The following SERPINB12 variants were observed in gnomAD, a reference collection of about 807,000 sequenced individuals.
The protein encoded by SERPINB12 is serpin family B member 12, also known as serpin B12.
Under a neutral mutation model 41.1 loss-of-function variants are expected in SERPINB12, and 57 were observed. The observed-to-expected ratio is 1.39, with a 90% CI of 1.12 to 1.73. SERPINB12 has a LOEUF of 1.73. Ranked by LOEUF, SERPINB12 falls within the 40% of genes most tolerant of loss-of-function variation. SERPINB12 has a pLI of 0.00. For synonymous variants in SERPINB12, 180 were observed against 181.3 expected, an observed-to-expected ratio of 0.99 and a Z score of 0.06; for missense variants, 536 against 501.9, an observed-to-expected ratio of 1.07 and a Z score of -0.65.
rs1442954643 is a variant in SERPINB12 at position 63,567,114 on chromosome 18, C to G, written c.*103C>G. ...GAGTTTTTGGTAATATCTAAAGCAT[C>G]TCCTTCATCCTCCAGCCATCGGCTT... On this transcript the variant is annotated 3_prime_UTR_variant, in exon 8 of 8. Coordinates refer to ENST00000382768, the MANE Select transcript of SERPINB12 (RefSeq NM_001307928.2). 1 of 1,068,210 alleles carries G rather than the reference C, an allele frequency of 9.4e-7. No homozygotes were observed. Among genetic ancestry groups the G allele is most frequent in the East Asian group, 2.4e-5 (1 of 41,124 alleles). The allele number at this position is 1,068,210 out of a possible 1,614,324, so 66.2% of individuals were successfully genotyped here.
At position 63,556,148 on chromosome 18, in the gene SERPINB12, A is replaced by G. The variant is rs371099523; in HGVS notation, c.-12A>G. ...CCTTTTTTTTTGGTTTTAGATCGTT[A>G]TAAGTTTTACAATGGACTCTCTTGT... On this transcript the variant is annotated 5_prime_UTR_variant, in exon 2 of 8. Transcript: ENST00000382768. The G allele has an allele frequency of 1.2e-6, 2 of 1,610,042 alleles. No individual in the cohort carries two copies. The highest frequency in any genetic ancestry group is 1.1e-5 in the South Asian group (1 of 90,724).
At chr18:63,528,392 CAATA>C in the SERPINB12 span, among the ~76,000 whole-genome samples, 1,970 of 144,974 alleles carry the variant, frequency 0.014, 22 homozygotes, top group Non-Finnish European at 0.017. Context: ...TCTCTGAGAG[CAATA>C]AATAAATAAA....
At chr18:63,541,835 G>GA (rs749463888), upstream of SERPINB12, among the ~76,000 whole-genome samples, 1 of 152,086 alleles carries the variant, frequency 6.6e-6, no homozygotes, top group Non-Finnish European at 1.5e-5. Flanking sequence ...GATGCCAGAA[G>GA]AAAAAATAAC....
rs546913757 is a variant in SERPINB12 at position 63,568,364 on chromosome 18, G to A, written c.*1353G>A. Among the ~76,000 whole-genome samples, 16 of 152,270 alleles carry A rather than the reference G, an allele frequency of 1.1e-4. No individual in the cohort carries two copies. Among genetic ancestry groups the A allele is most frequent in the African/African-American group, 3.4e-4 (14 of 41,556 alleles). On this transcript the variant is annotated 3_prime_UTR_variant, in exon 8 of 8. Transcript: ENST00000382768. ...CCACTGCACTCCAGCCTGGGTGACA[G>A]AGCGAAACCCTGTCTCAAAAAACAA...
chr18:63,551,297 C>CA (rs367982542), intron 1 of SERPINB12, among the ~76,000 whole-genome samples: 18 of 151,380 alleles, frequency 1.2e-4, no homozygotes, highest in Non-Finnish European at 2.4e-4. Context: ...ACAAAAAAAA[C>CA]AAAAAAAAGA....
rs1327104418 is a variant in SERPINB12, at chr18:63,556,329, T to C, written c.168+2T>C. On this transcript the variant is annotated splice_donor_variant, in intron 2 of 7. Coordinates refer to ENST00000382768, the MANE Select transcript of SERPINB12 (RefSeq NM_001307928.2). LOFTEE classifies it high-confidence loss of function. ...GACAGTGCACATCAGATTGATGAGG[T>C]ACGTGTCCACTAGGGTGCTACACAG... The C allele has an allele frequency of 1.9e-6, 3 of 1,613,498 alleles. No homozygotes were observed. In the South Asian group the frequency reaches 3.3e-5, roughly 18 times the overall value.
the SERPINB12 span, among the ~76,000 whole-genome samples, chr18:63,523,558 A>G: frequency 6.6e-6 from 1 of 152,222 alleles, no homozygotes; most frequent in Non-Finnish European, 1.5e-5. Flanking sequence ...AATAAACAAG[A>G]AAGCCAGTAC....
intron 4 of SERPINB12, among the ~76,000 whole-genome samples, chr18:63,560,268 T>A (rs187504577): frequency 1.3e-5 from 2 of 152,318 alleles, no homozygotes; most frequent in Non-Finnish European, 2.9e-5. Context: ...AAGCTGTGTC[T>A]CCATCTGGGC....
chr18:63,545,318 ACTAGAGAGGCTCGCTTT>A (rs1910362929), intron 1 of SERPINB12, among the ~76,000 whole-genome samples: 1 of 151,946 alleles, frequency 6.6e-6, no homozygotes, highest in South Asian at 2.1e-4. Flanking sequence ...AGTCACGGGT[ACTAGAGAGGCTCGCTTT>A]CTTCAGCCAT....
intron 1 of SERPINB12, among the ~76,000 whole-genome samples, chr18:63,542,990 G>A (rs1221468142): frequency 2.0e-5 from 3 of 152,132 alleles, no homozygotes; most frequent in African/African-American, 4.8e-5. Context: ...TTTAATGGCT[G>A]CACAGTATTC....
At chr18:63,543,692 G>C (rs1214821818) in intron 1 of SERPINB12, among the ~76,000 whole-genome samples, 1 of 151,978 alleles carries the variant, frequency 6.6e-6, no homozygotes, top group Non-Finnish European at 1.5e-5. Context: ...TGTCTCCCCA[G>C]TTCAAGTGAT....
rs2144331617 is a variant in SERPINB12 at position 63,556,136 on chromosome 18, T to G, written c.-18-6T>G. 6.3e-7 allele frequency: 1 copy of G among 1,598,522 alleles called. No homozygotes were observed. The highest frequency in any genetic ancestry group is 1.1e-5 in the South Asian group (1 of 89,206). Reference sequence around the variant, plus strand: ...TTTTCTCTTTCTCCTTTTTTTTTGGTTTTAGATCGTTATAAGTTTTACAAT... The same window carrying G: ...TTTTCTCTTTCTCCTTTTTTTTTGGGTTTAGATCGTTATAAGTTTTACAAT... On this transcript the variant is annotated splice_region_variant and splice_polypyrimidine_tract_variant and intron_variant, in intron 1 of 7. Coordinates refer to ENST00000382768, the MANE Select transcript of SERPINB12 (RefSeq NM_001307928.2).
intron 1 of SERPINB12, among the ~76,000 whole-genome samples, chr18:63,550,995 C>T (rs752539499): frequency 7.9e-5 from 12 of 152,152 alleles, no homozygotes; most frequent in East Asian, 1.9e-4. Context: ...TTCGGCCGGG[C>T]GCGGTGGTTC....
In SERPINB12 at chr18:63,547,564, C is replaced by CATGAAAT. The variant is rs1427438609; in HGVS notation, c.-19+5075_-19+5081dup. On this transcript the variant is annotated intron_variant, in intron 1 of 7. Coordinates refer to ENST00000382768, the MANE Select transcript of SERPINB12 (RefSeq NM_001307928.2). ...TGTGGGAATTATAGAAATTATAAGA[C>CATGAAAT]ATGAAATATTTTTGGAGTATAAATA... Among the ~76,000 whole-genome samples the CATGAAAT allele has an allele frequency of 2.6e-5, 4 of 151,952 alleles. 1 individual carries two copies. Among genetic ancestry groups the CATGAAAT allele is most frequent in the African/African-American group, 9.7e-5 (4 of 41,404 alleles).
At chr18:63,544,459 C>G (rs751974699) in intron 1 of SERPINB12, among the ~76,000 whole-genome samples, 1 of 151,970 alleles carries the variant, frequency 6.6e-6, no homozygotes, top group Non-Finnish European at 1.5e-5. Flanking sequence ...TTTTTAAGGG[C>G]GAGAAAATTG....
chr18:63,520,460 G>C, the SERPINB12 span, among the ~76,000 whole-genome samples: 1 of 152,234 alleles, frequency 6.6e-6, no homozygotes, highest in African/African-American at 2.4e-5. Flanking sequence ...ATGAGTCACA[G>C]ATGCATGGTG....
At chr18:63,521,164 G>C in the SERPINB12 span, among the ~76,000 whole-genome samples, 1 of 152,118 alleles carries the variant, frequency 6.6e-6, no homozygotes, top group Non-Finnish European at 1.5e-5. Flanking sequence ...AGAGTCTTTT[G>C]TGATACTTCT....
At chr18:63,560,191 G>A (rs1208313759) in intron 4 of SERPINB12, among the ~76,000 whole-genome samples, 1 of 152,130 alleles carries the variant, frequency 6.6e-6, no homozygotes, top group Non-Finnish European at 1.5e-5. Flanking sequence ...AGGAGACTGC[G>A]TTTTGGCATT....
At chr18:63,539,970 G>A (rs1396773461), upstream of SERPINB12, among the ~76,000 whole-genome samples, 1 of 152,162 alleles carries the variant, frequency 6.6e-6, no homozygotes, top group Non-Finnish European at 1.5e-5. Flanking sequence ...TTGGGTGCTA[G>A]AGTCACAGGG....
Sources: gnomAD v4.1 joint callset for allele counts (sites outside exome capture counted in the v4.1 genomes callset) on GRCh38, gnomAD v4.1.1 for gene constraint, MANE v1.5 for transcripts, NCBI Gene and HGNC (gene_info 2026-07-23, HGNC 2026-07-21) for gene names.